The following LINGO2 variants were observed in gnomAD, a reference collection of about 807,000 sequenced individuals.
LINGO2 encodes leucine rich repeat and Ig domain containing 2, also known as leucine-rich repeat and immunoglobulin-like domain-containing nogo receptor-interacting protein 2.
A neutral mutation model predicts 30.6 loss-of-function variants in LINGO2; 14 were observed. The ratio of observed to expected loss-of-function variants is 0.46; its 90% confidence interval spans 0.30 to 0.72. The LOEUF is 0.72. Ranked by LOEUF, LINGO2 falls within the 30% of genes least tolerant of loss-of-function variation. The pLI is 0.07. For synonymous variants in LINGO2, 317 were observed against 288.5 expected (o/e 1.10, Z -1.00); for missense variants, 729 against 751.7 (o/e 0.97, Z 0.35).
At chr9:28,706,031 C>T in the LINGO2 span, among the ~76,000 whole-genome samples, 1 of 152,102 alleles carries the variant, frequency 6.6e-6, no homozygotes, top group Middle Eastern at 3.4e-3. Flanking sequence ...TCCAGCTTTT[C>T]AGACAATAAA....
intron 2 of LINGO2, among the ~76,000 whole-genome samples, chr9:28,416,663 A>T (rs1270755607): frequency 1.3e-5 from 2 of 152,200 alleles, no homozygotes; most frequent in Non-Finnish European, 2.9e-5. Context: ...TCAAGAAAAA[A>T]ATATGACATG....
At chr9:28,873,844 T>C in the LINGO2 span, among the ~76,000 whole-genome samples, 1 of 151,954 alleles carries the variant, frequency 6.6e-6, no homozygotes, top group African/African-American at 2.4e-5. Context: ...ATAATGTAAA[T>C]ACCTCATTTA....
chr9:28,887,885 A>G, the LINGO2 span, among the ~76,000 whole-genome samples: 19 of 152,262 alleles, frequency 1.2e-4, no homozygotes, highest in Non-Finnish European at 5.9e-5. Flanking sequence ...CTCCAACTGG[A>G]TTTAATTTGC....
chr9:28,984,116 T>C, the LINGO2 span, among the ~76,000 whole-genome samples: 1 of 152,090 alleles, frequency 6.6e-6, no homozygotes, highest in Non-Finnish European at 1.5e-5. Flanking sequence ...CCAAAGAATT[T>C]CTCAGTTATG....
At chr9:28,379,304 G>C (rs1046522671) in intron 2 of LINGO2, among the ~76,000 whole-genome samples, 2 of 152,034 alleles carry the variant, frequency 1.3e-5, no homozygotes, top group African/African-American at 2.4e-5. Context: ...ATGTGTGTTT[G>C]ATGGGGCCCT....
At chr9:28,188,052 C>G (rs893847974) in intron 4 of LINGO2, among the ~76,000 whole-genome samples, 1 of 152,086 alleles carries the variant, frequency 6.6e-6, no homozygotes, top group East Asian at 1.9e-4. Flanking sequence ...CTCGTTAATC[C>G]TTTTTAATAT....
At chr9:28,490,637 C>T (rs1826358396) in intron 1 of LINGO2, among the ~76,000 whole-genome samples, 2 of 152,248 alleles carry the variant, frequency 1.3e-5, no homozygotes, top group South Asian at 4.1e-4. Context: ...GAAACATAAA[C>T]TCAGATTATG....
the LINGO2 span, among the ~76,000 whole-genome samples, chr9:28,724,273 C>G: frequency 6.6e-6 from 1 of 152,062 alleles, no homozygotes; most frequent in Non-Finnish European, 1.5e-5. Context: ...TGTTTACACC[C>G]CCATGAGACA....
chr9:28,898,520 C>A, the LINGO2 span, among the ~76,000 whole-genome samples: 5 of 152,024 alleles, frequency 3.3e-5, no homozygotes, highest in African/African-American at 1.2e-4. Flanking sequence ...TTCCGTCAGC[C>A]AGATTTTATT....
chr9:28,335,548 T>C (rs145177938), intron 3 of LINGO2, among the ~76,000 whole-genome samples: 49 of 152,308 alleles, frequency 3.2e-4, no homozygotes, highest in Non-Finnish European at 7.1e-4. Flanking sequence ...TTTGTGCACA[T>C]TGCTCTGGGG....
chr9:28,524,266 A>C lies in LINGO2; in HGVS notation c.-364-48241T>G, dbSNP rs1820931542. Among the ~76,000 whole-genome samples, 3 of 152,192 alleles carry C rather than the reference A, an allele frequency of 2.0e-5. 1 individual carries two copies. The South Asian group carries it at 6.2e-4, about 31-fold the overall frequency. The stretch of plus-strand genomic sequence containing the variant: ...GCCTACCTCACACCATACACACAAA[A>C]ATGAGCTAAAAATGAATAATAGAAT... On this transcript the variant is annotated intron_variant, in intron 1 of 5. Transcript: ENST00000379992.
chr9:29,159,164 C>CA, the LINGO2 span, among the ~76,000 whole-genome samples: 4 of 152,092 alleles, frequency 2.6e-5, no homozygotes, highest in Admixed American at 6.5e-5. Context: ...CTGAGCTACA[C>CA]AAAAAAGATG....
At chr9:28,226,711 GAA>G (rs1821182383) in intron 4 of LINGO2, among the ~76,000 whole-genome samples, 2 of 151,360 alleles carry the variant, frequency 1.3e-5, no homozygotes, top group African/African-American at 2.4e-5. Flanking sequence ...AAGAGAAAGA[GAA>G]AGAAAGAAAG....
chr9:29,007,832 A>G, the LINGO2 span, among the ~76,000 whole-genome samples: 1 of 152,264 alleles, frequency 6.6e-6, no homozygotes, highest in South Asian at 2.1e-4. Context: ...GGTAGGCATA[A>G]AAATCTACAA....
At chr9:28,256,520 T>A (rs1359965858) in intron 4 of LINGO2, among the ~76,000 whole-genome samples, 1 of 151,798 alleles carries the variant, frequency 6.6e-6, no homozygotes, top group African/African-American at 2.4e-5. Context: ...AAATAACAGG[T>A]TAATGATATA....
At chr9:28,437,804 C>A (rs564547964) in intron 2 of LINGO2, among the ~76,000 whole-genome samples, 10 of 152,076 alleles carry the variant, frequency 6.6e-5, no homozygotes, top group Non-Finnish European at 1.5e-4. Flanking sequence ...ATATATTTGG[C>A]TCAGAAGGCC....
intron 4 of LINGO2, among the ~76,000 whole-genome samples, chr9:28,073,107 G>A (rs1429301567): frequency 6.6e-6 from 1 of 151,846 alleles, no homozygotes; most frequent in East Asian, 1.9e-4. Flanking sequence ...CCAACTAGAC[G>A]GTGTGTCCAG....
At chr9:28,503,766 G>A (rs975568149) in intron 1 of LINGO2, among the ~76,000 whole-genome samples, 8 of 151,966 alleles carry the variant, frequency 5.3e-5, no homozygotes, top group South Asian at 2.1e-4. Context: ...ACATCTTCCC[G>A]AGGTATGAGT....
chr9:28,747,011 C>A, the LINGO2 span, among the ~76,000 whole-genome samples: 1 of 151,926 alleles, frequency 6.6e-6, no homozygotes, highest in South Asian at 2.1e-4. Context: ...GAGGGTGGTT[C>A]CCCAGGGCAA....
Sources: gnomAD v4.1 joint callset for allele counts (sites outside exome capture counted in the v4.1 genomes callset) on GRCh38, gnomAD v4.1.1 for gene constraint, MANE v1.5 for transcripts, NCBI Gene and HGNC (gene_info 2026-07-23, HGNC 2026-07-21) for gene names.